The following DTNA variants were observed in gnomAD, a reference collection of about 807,000 sequenced individuals.
The protein encoded by DTNA is dystrophin-related protein 3.
Under a neutral mutation model 100.7 loss-of-function variants are expected in DTNA, and 43 were observed. The observed-to-expected ratio is 0.43, with a 90% CI of 0.33 to 0.55. The LOEUF (loss-of-function observed/expected upper bound fraction) is 0.55. Among genes scored for constraint, DTNA ranks in the 20% least tolerant of loss-of-function variants. The pLI is 0.04. For missense variants in DTNA, 798 were observed against 953.9 expected, an observed-to-expected ratio of 0.84 and a Z score of 2.15; for synonymous variants, 349 against 347.9, an observed-to-expected ratio of 1.00 and a Z score of -0.04.
intron 1 of DTNA, among the ~76,000 whole-genome samples, chr18:34,511,942 C>T (rs972277784): frequency 7.2e-5 from 11 of 151,984 alleles, no homozygotes; most frequent in African/African-American, 2.7e-4. Context: ...CTAGCTCCAA[C>T]TCAAGCATAT....
At chr18:34,552,703 G>C (rs1427739531) in intron 1 of DTNA, among the ~76,000 whole-genome samples, 1 of 151,596 alleles carries the variant, frequency 6.6e-6, no homozygotes, top group Non-Finnish European at 1.5e-5. Context: ...CAAAGGACAT[G>C]AACTCATCAT....
At position 34,889,336 on chromosome 18, in the gene DTNA, C is replaced by A. The variant is rs1402847985; in HGVS notation, c.*1602C>A. The A allele has an allele frequency of 2.0e-6, 2 of 981,828 alleles. No individual in the cohort carries two copies. Among genetic ancestry groups the A allele is most frequent in the Admixed American group, 6.2e-5 (1 of 16,260 alleles). 60.8% of individuals were successfully genotyped at this position (981,828 alleles called of 1,614,324 possible). ...AAGCCCCACCTCAGGCCTACTGAATCAGAAGCTCTGGGGGTTGGGTCCAGA... is the reference window on the plus strand; with the variant it reads ...AAGCCCCACCTCAGGCCTACTGAATAAGAAGCTCTGGGGGTTGGGTCCAGA... On this transcript the variant is annotated 3_prime_UTR_variant, in exon 23 of 23. Transcript: ENST00000444659.
Position 34,794,074 on chromosome 18 carries a change from G to T in DTNA, c.186G>T (p.Leu62Phe), listed in dbSNP as rs1404687188. The T allele has an allele frequency of 1.2e-6, 2 of 1,613,946 alleles. No individual in the cohort carries two copies. The highest frequency in any genetic ancestry group is 1.7e-6 in the Non-Finnish European group (2 of 1,180,022). ...LVDIWNVIEA[L>F]RENALNNLDP... ...ACATATGGAATGTCATAGAAGCATT[G>T]CGGGAAAATGCTCTGAACAACCTGG... Residue 62 changes from leucine to phenylalanine, a missense_variant, in exon 4 of 23, where the codon TTG (leucine) becomes TTT (phenylalanine). This residue lies in a region of DTNA where 197 missense variants were observed against 215.4 expected (regional missense o/e 0.91). Coordinates refer to ENST00000444659, the MANE Select transcript of DTNA (RefSeq NM_001386795.1).
At chr18:34,499,264 A>G (rs943424734) in intron 1 of DTNA, among the ~76,000 whole-genome samples, 2 of 152,054 alleles carry the variant, frequency 1.3e-5, no homozygotes, top group Admixed American at 1.3e-4. Flanking sequence ...TGGTTTTTCC[A>G]CTCAGCGTAG....
intron 1 of DTNA, among the ~76,000 whole-genome samples, chr18:34,621,278 C>G (rs2056457061): frequency 6.7e-6 from 1 of 149,312 alleles, no homozygotes; most frequent in South Asian, 2.1e-4. Context: ...TATATATATA[C>G]ACACACATCA....
At chr18:34,803,941 G>A (rs557918840) in intron 4 of DTNA, among the ~76,000 whole-genome samples, 1 of 152,208 alleles carries the variant, frequency 6.6e-6, no homozygotes, top group South Asian at 2.1e-4. Flanking sequence ...CAAGTGCTAG[G>A]CACTAGGAAT....
At chr18:34,594,588 TA>T (rs1225134545) in intron 1 of DTNA, among the ~76,000 whole-genome samples, 6 of 152,248 alleles carry the variant, frequency 3.9e-5, no homozygotes, top group Non-Finnish European at 7.3e-5. Flanking sequence ...CTAAGTTGGC[TA>T]AACTAGGTAC....
At chr18:34,576,651 G>A (rs558005640) in intron 1 of DTNA, among the ~76,000 whole-genome samples, 1 of 152,122 alleles carries the variant, frequency 6.6e-6, no homozygotes, top group South Asian at 2.1e-4. Flanking sequence ...TAAAGATGGG[G>A]TTTCACTATG....
chr18:34,836,117 G>T (rs2096137774), intron 11 of DTNA, among the ~76,000 whole-genome samples: 1 of 152,174 alleles, frequency 6.6e-6, no homozygotes, highest in South Asian at 2.1e-4. Context: ...AATGTATGGA[G>T]ATCTGCTTCA....
intron 15 of DTNA, among the ~76,000 whole-genome samples, chr18:34,857,143 T>C (rs1244275416): frequency 6.6e-6 from 1 of 152,064 alleles, no homozygotes; most frequent in Non-Finnish European, 1.5e-5. Context: ...ATATTTCTTT[T>C]AAAGAAAGGA....
intron 1 of DTNA, among the ~76,000 whole-genome samples, chr18:34,740,654 G>A (rs936142555): frequency 6.6e-5 from 10 of 152,076 alleles, no homozygotes; most frequent in South Asian, 2.1e-4. Flanking sequence ...TAAAAATTAG[G>A]GCATGATGGT....
chr18:34,860,359 G>A (rs58956993), intron 16 of DTNA, among the ~76,000 whole-genome samples: 23,928 of 147,770 alleles, frequency 0.16, 2,268 homozygotes, highest in African/African-American at 0.28. Context: ...GAGCCACCGC[G>A]CCCAGCCCAT....
rs2096852557 is a variant in DTNA, at chr18:34,879,598, A to G, written c.2041A>G (p.Thr681Ala). The change falls in exon 20 of 23, where the codon ACT becomes GCT. Residue 681 changes from threonine (T) to alanine (A), a missense_variant. Thr to Ala is a moderately conservative substitution (Grantham distance 58). Around this residue, in one of 6 missense-constraint regions of DTNA, gnomAD observed 242 missense variants for 238.2 expected, o/e 1.02. Coordinates refer to ENST00000444659, the MANE Select transcript of DTNA (RefSeq NM_001386795.1). ...TAATGTGGATTCTGAATTTGCACGG[A>G]CTCAGTTTGAGGATCTTGTTCCCTC... Reference protein sequence around the residue: ...ESNVDSEFARTQFEDLVPSPT... With the variant: ...ESNVDSEFARAQFEDLVPSPT... 6.2e-7 allele frequency: 1 copy of G among 1,613,840 alleles called. No individual in the cohort carries two copies. The highest frequency in any genetic ancestry group is 1.7e-5 in the Admixed American group (1 of 59,986).
At chr18:34,580,802 A>G (rs1449158061) in intron 1 of DTNA, among the ~76,000 whole-genome samples, 3 of 151,804 alleles carry the variant, frequency 2.0e-5, no homozygotes, top group Non-Finnish European at 4.4e-5. Context: ...ATCTCCATCA[A>G]CTCTCTTGCC....
chr18:34,496,494 C>A (rs1217298968), intron 1 of DTNA, among the ~76,000 whole-genome samples: 1 of 152,122 alleles, frequency 6.6e-6, no homozygotes, highest in Non-Finnish European at 1.5e-5. Context: ...CTACTTTTAT[C>A]TCACTTGGTA....
At chr18:34,773,333 A>G (rs1456988428) in intron 3 of DTNA, among the ~76,000 whole-genome samples, 1 of 152,218 alleles carries the variant, frequency 6.6e-6, no homozygotes, top group Admixed American at 6.5e-5. Flanking sequence ...TCAGATAACG[A>G]TGTATAAAAT....
intron 1 of DTNA, among the ~76,000 whole-genome samples, chr18:34,556,314 C>G (rs1464498157): frequency 6.6e-6 from 1 of 152,156 alleles, no homozygotes; most frequent in Non-Finnish European, 1.5e-5. Flanking sequence ...TGGGTCTTGA[C>G]TCTTTCTCCA....
chr18:34,549,363 A>T (rs912727756), intron 1 of DTNA, among the ~76,000 whole-genome samples: 9 of 151,980 alleles, frequency 5.9e-5, no homozygotes, highest in Non-Finnish European at 1.3e-4. Context: ...CGTTTAGAGT[A>T]TTGAAAGGAA....
At chr18:34,879,130 G>T (rs1298062688) in intron 19 of DTNA, among the ~76,000 whole-genome samples, 1 of 152,082 alleles carries the variant, frequency 6.6e-6, no homozygotes, top group Non-Finnish European at 1.5e-5. Context: ...AAGTGATAGG[G>T]TTCACTTAAT....
Sources: allele counts gnomAD v4.1 joint callset (sites outside exome capture counted in the v4.1 genomes callset), GRCh38; gene constraint gnomAD v4.1.1; regional missense constraint gnomAD v4.1.1; transcripts MANE v1.5; gene names NCBI Gene and HGNC (gene_info 2026-07-23, HGNC 2026-07-21).